TACC1: variants seen among roughly 807,000 people sequenced by gnomAD.
TACC1 encodes the protein transforming acidic coiled-coil containing protein 1.
TACC1 carries 48 observed loss-of-function variants against 84.4 expected under a neutral mutation model. The ratio of observed to expected loss-of-function variants is 0.57; its 90% CI spans 0.45 to 0.72. The LOEUF is 0.72. Ranked by LOEUF, TACC1 falls within the 30% of genes least tolerant of loss-of-function variation. TACC1 has a pLI of 0.00. For synonymous variants in TACC1, 372 were observed against 376.3 expected (o/e 0.99, Z 0.13); for missense variants, 920 against 973.0 (o/e 0.95, Z 0.72).
chr8:38,757,169 C>T (rs556058666), intron 3 of TACC1: 29 of 912,112 alleles, frequency 3.2e-5, no homozygotes, highest in Admixed American at 2.2e-4. Context: ...AAGCCACCTC[C>T]TTCCCCGCTT....
intron 4 of TACC1, 92 bp downstream of exon 4, chr8:38,825,460 T>G: frequency 7.4e-7 from 1 of 1,348,178 alleles, no homozygotes; most frequent in Non-Finnish European, 1.1e-6. Context: ...AAAAGGACTT[T>G]CCAATGGGTA....
Position 38,755,812 on chromosome 8 carries a change from C to CATTATTATTATTATT in TACC1, c.26+10324_26+10338dup, listed in dbSNP as rs10680579. On this transcript the variant is annotated intron_variant, in intron 3 of 14. Coordinates refer to the TACC1 transcript ENST00000518415. ...GTGAAAGATAGACAAGTGAAGAGAT[C>CATTATTATTATTATT]ATTATTATTATTATTATTAGAGATG... Among the ~76,000 whole-genome samples, 4 of 149,926 alleles carry CATTATTATTATTATT rather than the reference C, an allele frequency of 2.7e-5. No individual in the cohort carries two copies. In the East Asian group the frequency reaches 7.9e-4, roughly 29 times the overall value.
At chr8:38,780,659 T>C (rs1040255529) in intron 3 of TACC1, among the ~76,000 whole-genome samples, 1 of 152,030 alleles carries the variant, frequency 6.6e-6, no homozygotes, top group Admixed American at 6.5e-5. Flanking sequence ...CTAAAATATG[T>C]TCACCAGTTT....
intron 11 of TACC1, among the ~76,000 whole-genome samples, chr8:38,843,811 A>G (rs7009521): frequency 0.55 from 84,318 of 151,958 alleles, 23,538 homozygotes; most frequent in Middle Eastern, 0.59. Context: ...TTATTTAACA[A>G]TCCCCTCCTG....
At chr8:38,760,035 T>TA (rs57899148) in intron 3 of TACC1, among the ~76,000 whole-genome samples, 1,662 of 150,504 alleles carry the variant, frequency 0.011, 32 homozygotes, top group African/African-American at 0.038. Context: ...GTTCTTTTTT[T>TA]AAAAAAAAAA....
At chr8:38,738,187 C>A (rs761331858) in intron 1 of TACC1, among the ~76,000 whole-genome samples, 6 of 151,694 alleles carry the variant, frequency 4.0e-5, no homozygotes, top group Non-Finnish European at 8.8e-5. Context: ...GAGCCCTTGA[C>A]GCTAGGAGTT....
At chr8:38,847,832 G>C (rs1283619563) in intron 12 of TACC1, 123 bp from the exon 13 acceptor site, 1 of 728,698 alleles carries the variant, frequency 1.4e-6, no homozygotes, top group Non-Finnish European at 2.2e-6. Context: ...ATGTAGAAAA[G>C]TTAAAAATCA....
At chr8:38,813,984 C>T (rs1342499395) in intron 2 of TACC1, among the ~76,000 whole-genome samples, 3 of 152,190 alleles carry the variant, frequency 2.0e-5, no homozygotes, top group Non-Finnish European at 4.4e-5. Context: ...CATTCTCTAT[C>T]ACTTGTCCAC....
Position 38,843,316 on chromosome 8 carries a change from C to G in TACC1, c.2149C>G (p.Gln717Glu). 1 of 1,604,256 alleles carries G rather than the reference C, an allele frequency of 6.2e-7. No individual in the cohort carries two copies. Among genetic ancestry groups the G allele is most frequent in the Non-Finnish European group, 8.5e-7 (1 of 1,175,438 alleles). The change falls in exon 11 of 13, where the codon CAG becomes GAG. Residue 717 changes from glutamine (Q) to glutamate (E), a missense_variant. Transcript: ENST00000317827. ...KNEEALKKCA[Q>E]DYLARVKQEE... is the part of the protein sequence containing the mutation. ...TGAAGAAGCCTTGAAGAAATGTGCT[C>G]AGGATTACTTAGCCAGAGTTAAACA...
intron 7 of TACC1, among the ~76,000 whole-genome samples, chr8:38,837,176 A>G (rs1320033505): frequency 1.5e-5 from 2 of 134,720 alleles, no homozygotes; most frequent in African/African-American, 5.7e-5. Flanking sequence ...GTGCTTTGGG[A>G]GGCCAAGGCG....
chr8:38,842,569 A>C (rs1257399412), intron 10 of TACC1, 122 bp downstream of exon 10: 1 of 1,098,740 alleles, frequency 9.1e-7, no homozygotes, highest in Non-Finnish European at 1.3e-6. Context: ...CTCAGGGCCT[A>C]CTGGCCTTGT....
chr8:38,836,616 AT>A (rs1830290293), intron 7 of TACC1, among the ~76,000 whole-genome samples: 1 of 152,208 alleles, frequency 6.6e-6, no homozygotes, highest in African/African-American at 2.4e-5. Flanking sequence ...TACAGAGGAT[AT>A]ATGCTAATGC....
chr8:38,800,343 C>A (rs1821062963), intron 2 of TACC1, among the ~76,000 whole-genome samples: 1 of 152,150 alleles, frequency 6.6e-6, no homozygotes, highest in Non-Finnish European at 1.5e-5. Flanking sequence ...CAACTATTAT[C>A]TCAATTTAAT....
chr8:38,774,963 A>T (rs1438583767), intron 3 of TACC1, among the ~76,000 whole-genome samples: 1 of 148,128 alleles, frequency 6.8e-6, no homozygotes, highest in East Asian at 2.0e-4. Context: ...GTGAGCGAAG[A>T]TCGCACCACT....
Position 38,805,988 on chromosome 8 carries a change from C to G in TACC1, c.278-13534C>G, listed in dbSNP as rs567639235. ...GCAATCTAGGCCACTGCCTTGGTAA[C>G]CAGGGCTTCTATTCTCTAGTTGTCA... On this transcript the variant is annotated intron_variant, in intron 2 of 12. Transcript: ENST00000317827. Among the ~76,000 whole-genome samples the G allele has an allele frequency of 8.5e-5, 13 of 152,286 alleles. No individual in the cohort carries two copies. The East Asian group carries it at 2.5e-3, about 29-fold the overall frequency.
Position 38,852,000 on chromosome 8 carries a change from G to A in TACC1, c.*3977G>A. ...ACCACTAAATCCTTGAGTCTCCATA[G>A]AGTAACAGTAAAGAAACTGATGTAA... On this transcript the variant is annotated 3_prime_UTR_variant, in exon 13 of 13. Transcript: ENST00000317827. 1 of 456,264 alleles carries A rather than the reference G, an allele frequency of 2.2e-6. No homozygotes were observed. The highest frequency in any genetic ancestry group is 3.3e-4 in the Middle Eastern group (1 of 3,074). The allele number at this position is 456,264 out of a possible 1,614,324, so 28.3% of individuals were successfully genotyped here. A position where few individuals can be genotyped will look rare whatever the true frequency, so the allele number is the denominator to read the frequency against.
At chr8:38,791,748 A>G (rs986731493) in intron 2 of TACC1, among the ~76,000 whole-genome samples, 1 of 152,224 alleles carries the variant, frequency 6.6e-6, no homozygotes, top group Non-Finnish European at 1.5e-5. Flanking sequence ...AGACTAAATC[A>G]TTCTGGAAGA....
At position 38,802,544 on chromosome 8, in the gene TACC1, A is replaced by T. The variant is rs796122313; in HGVS notation, c.277+13725A>T. On this transcript the variant is annotated intron_variant, in intron 2 of 12. Transcript: ENST00000317827. The stretch of plus-strand genomic sequence containing the variant: ...CCGGTCCATGGAAAAATTGTCTTCC[A>T]TGAAACCGGTCCCTGGTGCCAAAAA... Among the ~76,000 whole-genome samples, 11 of 152,338 alleles carry T rather than the reference A, an allele frequency of 7.2e-5. 1 individual carries two copies. Among genetic ancestry groups the T allele is most frequent in the African/African-American group, 2.6e-4 (11 of 41,582 alleles).
chr8:38,830,366 C>G (rs1828960955), intron 5 of TACC1, among the ~76,000 whole-genome samples: 1 of 152,170 alleles, frequency 6.6e-6, no homozygotes, highest in African/African-American at 2.4e-5. Context: ...CCTCCAGCTC[C>G]CGGGTTCAAG....
Sources: gnomAD v4.1 joint callset for allele counts (sites outside exome capture counted in the v4.1 genomes callset) on GRCh38, gnomAD v4.1.1 for gene constraint, MANE v1.5 for transcripts, NCBI Gene and HGNC (gene_info 2026-07-23, HGNC 2026-07-21) for gene names.